The following PID1 variants were observed in gnomAD, a reference collection of about 807,000 sequenced individuals.
The protein encoded by PID1 is phosphotyrosine interaction domain containing 1.
Under a neutral mutation model 19.1 loss-of-function variants are expected in PID1, and 10 were observed. That is an observed-to-expected ratio of 0.52 (90% confidence interval 0.32 to 0.89). PID1 has a LOEUF of 0.89. Ranked by LOEUF, PID1 falls within the 40% of genes least tolerant of loss-of-function variation. PID1 has a pLI of 0.03. For missense variants in PID1, 248 were observed against 285.3 expected (o/e 0.87, Z 0.94); for synonymous variants, 130 against 116.0 (o/e 1.12, Z -0.78).
At chr2:229,070,651 G>A (rs996994932) in intron 2 of PID1, among the ~76,000 whole-genome samples, 2 of 152,150 alleles carry the variant, frequency 1.3e-5, no homozygotes, top group Non-Finnish European at 2.9e-5. Flanking sequence ...GCATGAAAAT[G>A]TTTACGATTC....
intron 1 of PID1, among the ~76,000 whole-genome samples, chr2:229,262,275 CA>C (rs1201125062): frequency 6.6e-6 from 1 of 152,148 alleles, no homozygotes; most frequent in Non-Finnish European, 1.5e-5. Context: ...GTTTCATCTC[CA>C]AAGCGAACCA....
chr2:229,099,479 T>C lies in PID1; in HGVS notation c.177+56339A>G, dbSNP rs901001260. Reference sequence around the variant, plus strand: ...GCACAGGTTTCCATGAATTTCTAATTGAACATGCATAAAGATGCATAAAAC... The same window carrying C: ...GCACAGGTTTCCATGAATTTCTAATCGAACATGCATAAAGATGCATAAAAC... On this transcript the variant is annotated intron_variant, in intron 2 of 2. Coordinates refer to ENST00000392055, the MANE Select transcript of PID1 (RefSeq NM_001100818.2). Among the ~76,000 whole-genome samples, 3 of 152,168 alleles carry C rather than the reference T, an allele frequency of 2.0e-5. No homozygotes were observed. In the East Asian group the frequency reaches 5.8e-4, roughly 29 times the overall value.
intron 1 of PID1, among the ~76,000 whole-genome samples, chr2:229,220,829 G>T (rs948190815): frequency 1.3e-5 from 2 of 151,758 alleles, no homozygotes; most frequent in Non-Finnish European, 2.9e-5. Context: ...AAGCTATTTA[G>T]CTTAAAACTG....
At chr2:229,177,654 G>C (rs1008235973) in intron 1 of PID1, among the ~76,000 whole-genome samples, 3 of 151,998 alleles carry the variant, frequency 2.0e-5, no homozygotes, top group African/African-American at 7.3e-5. Context: ...TTCTGATAAG[G>C]AAAGGATTCA....
intron 1 of PID1, 76 bp downstream of exon 1, chr2:229,270,938 C>T: frequency 7.3e-7 from 1 of 1,371,228 alleles, no homozygotes; most frequent in Admixed American, 2.4e-5. Context: ...CTAAAGTAGG[C>T]AGAAGCAAAA....
At chr2:229,204,875 C>T (rs144090617) in intron 1 of PID1, among the ~76,000 whole-genome samples, 1,638 of 152,152 alleles carry the variant, frequency 0.011, 39 homozygotes, top group African/African-American at 0.037. Flanking sequence ...GAGCCTAATG[C>T]TACTATTCTC....
intron 2 of PID1, among the ~76,000 whole-genome samples, chr2:229,097,703 A>C (rs555496782): frequency 6.6e-6 from 1 of 152,234 alleles, no homozygotes; most frequent in African/African-American, 2.4e-5. Flanking sequence ...TTTAATCACT[A>C]TTTCTCTTGT....
intron 1 of PID1, among the ~76,000 whole-genome samples, chr2:229,157,751 C>A (rs1327475171): frequency 2.0e-5 from 3 of 152,172 alleles, no homozygotes; most frequent in African/African-American, 7.2e-5. Flanking sequence ...AAGAAATTAG[C>A]CTTGTTCTAA....
At chr2:229,150,886 A>G (rs919630844) in intron 2 of PID1, among the ~76,000 whole-genome samples, 3 of 151,040 alleles carry the variant, frequency 2.0e-5, no homozygotes, top group African/African-American at 7.3e-5. Context: ...CAAATTTGAG[A>G]ATCTGCGTGG....
intron 2 of PID1, among the ~76,000 whole-genome samples, chr2:229,142,654 T>G (rs543281175): frequency 6.6e-6 from 1 of 152,326 alleles, no homozygotes; most frequent in East Asian, 1.9e-4. Context: ...AGATAGCATC[T>G]CACGCCAGTT....
At chr2:229,260,516 A>G (rs1362244) in intron 1 of PID1, among the ~76,000 whole-genome samples, 1,884 of 150,938 alleles carry the variant, frequency 0.012, 17 homozygotes, top group Non-Finnish European at 0.021. Context: ...GTGTGTGTGT[A>G]TATATATACA....
intron 2 of PID1, among the ~76,000 whole-genome samples, chr2:229,065,424 G>T (rs1694303338): frequency 6.6e-6 from 1 of 152,098 alleles, no homozygotes; most frequent in South Asian, 2.1e-4. Context: ...AGTAGAAACT[G>T]TTGGCTTCAT....
chr2:229,067,839 A>C (rs1055734491), intron 2 of PID1, among the ~76,000 whole-genome samples: 8 of 152,124 alleles, frequency 5.3e-5, no homozygotes, highest in African/African-American at 1.7e-4. Context: ...CTGTCTTGTC[A>C]TCTTGGCTTC....
At chr2:229,062,859 C>T (rs890385923) in intron 2 of PID1, among the ~76,000 whole-genome samples, 1 of 151,824 alleles carries the variant, frequency 6.6e-6, no homozygotes, top group African/African-American at 2.4e-5. Flanking sequence ...TCAGTCTTGG[C>T]AGATTCTAGG....
chr2:229,236,632 A>C (rs746942650), intron 1 of PID1: 2 of 152,218 alleles, frequency 1.3e-5, no homozygotes, highest in Non-Finnish European at 2.9e-5. Context: ...TTCAAGGAAG[A>C]GCAGAGAGAT....
chr2:229,094,882 AAAAC>A (rs1265516893), intron 2 of PID1, among the ~76,000 whole-genome samples: 3 of 152,202 alleles, frequency 2.0e-5, no homozygotes, highest in African/African-American at 7.2e-5. Context: ...ACAAAAGAAA[AAAAC>A]AAGTACTATC....
At chr2:229,113,787 C>A (rs576348148) in intron 2 of PID1, among the ~76,000 whole-genome samples, 2 of 152,002 alleles carry the variant, frequency 1.3e-5, no homozygotes, top group African/African-American at 4.8e-5. Context: ...AACAAGAACA[C>A]GGAAGGTGAT....
chr2:229,109,616 G>A (rs1437057636), intron 2 of PID1, among the ~76,000 whole-genome samples: 1 of 152,156 alleles, frequency 6.6e-6, no homozygotes, highest in East Asian at 1.9e-4. Context: ...ACTAAGGGAG[G>A]GCCAGTAGAG....
intron 1 of PID1, among the ~76,000 whole-genome samples, chr2:229,254,681 AG>A (rs1318691332): frequency 2.6e-5 from 4 of 152,164 alleles, no homozygotes; most frequent in African/African-American, 9.7e-5. Context: ...CTGGTGTTCA[AG>A]GGGTTTTATG....
Sources: gnomAD v4.1 joint callset for allele counts (sites outside exome capture counted in the v4.1 genomes callset) on GRCh38, gnomAD v4.1.1 for gene constraint, MANE v1.5 for transcripts, NCBI Gene and HGNC (gene_info 2026-07-23, HGNC 2026-07-21) for gene names.